PPA2: variants seen among roughly 807,000 people sequenced by gnomAD.
PPA2 encodes the protein inorganic pyrophosphatase 2, mitochondrial.
Under a neutral mutation model 49.5 loss-of-function variants are expected in PPA2, and 48 were observed. That is an observed-to-expected ratio of 0.97 (90% confidence interval 0.77 to 1.23). The LOEUF is 1.23. Ranked by LOEUF, PPA2 falls within the 50% of genes most tolerant of loss-of-function variation. The pLI is 0.00. For missense variants in PPA2, 429 were observed against 410.1 expected (o/e 1.05, Z -0.40); for synonymous variants, 131 against 139.9 (o/e 0.94, Z 0.45).
At chr4:105,456,263 T>C (rs1013826073) in intron 2 of PPA2, 7 of 469,346 alleles carry the variant, frequency 1.5e-5, no homozygotes, top group Non-Finnish European at 3.0e-5. Flanking sequence ...CTTAGACAAG[T>C]CTATAAAAAT....
At position 105,453,614 on chromosome 4, in the gene PPA2, C is replaced by T. The variant is rs146135315; in HGVS notation, c.251G>A (p.Arg84Gln). ...EENGIPMKKARNDEYENLFNM... is the reference protein window; with the variant it reads ...EENGIPMKKAQNDEYENLFNM... The stretch of plus-strand genomic sequence containing the variant: ...TGGATATACCTCATATTCATCATTT[C>T]GTGCTTTCTTCATAGGAATGCCATT... The change falls in exon 3 of 12, where the codon CGA (arginine) becomes CAA (glutamine). Residue 84 changes from arginine to glutamine, a missense_variant. Transcript: ENST00000341695. 1.7e-4 allele frequency: 271 copies of T among 1,605,410 alleles called. 1 individual carries two copies. In the African/African-American group the frequency reaches 2.7e-3, roughly 16 times the overall value.
intron 5 of PPA2, among the ~76,000 whole-genome samples, chr4:105,445,829 T>C (rs1034375208): frequency 4.6e-5 from 7 of 152,002 alleles, no homozygotes. Context: ...GAAAAGCAAA[T>C]AGTTGTTATT....
chr4:105,378,789 A>G (rs537842372), intron 10 of PPA2, among the ~76,000 whole-genome samples: 2 of 152,260 alleles, frequency 1.3e-5, no homozygotes, highest in South Asian at 4.1e-4. Context: ...TTTAAGCACT[A>G]TTTGTTGAAA....
At chr4:105,424,781 A>G (rs746416747) in intron 6 of PPA2, among the ~76,000 whole-genome samples, 2 of 152,186 alleles carry the variant, frequency 1.3e-5, no homozygotes, top group African/African-American at 2.4e-5. Flanking sequence ...AAAATGGAGG[A>G]TGAGGCAGCT....
intron 11 of PPA2, 147 bp downstream of exon 11, chr4:105,370,690 T>G: frequency 8.7e-7 from 1 of 1,150,768 alleles, no homozygotes; most frequent in Middle Eastern, 3.4e-4. Flanking sequence ...TCATCTGAAA[T>G]TTTAGCGACT....
intron 5 of PPA2, among the ~76,000 whole-genome samples, chr4:105,438,848 A>T (rs1008377639): frequency 1.3e-5 from 2 of 152,212 alleles, no homozygotes; most frequent in Admixed American, 1.3e-4. Flanking sequence ...GAATCAGATT[A>T]TCATTATTAT....
intron 2 of PPA2, among the ~76,000 whole-genome samples, chr4:105,455,843 C>T (rs754515991): frequency 6.6e-6 from 1 of 152,158 alleles, no homozygotes; most frequent in African/African-American, 2.4e-5. Context: ...CCTAGAAAAC[C>T]CAACCCCAAA....
At chr4:105,422,464 A>C (rs904593901) in intron 7 of PPA2, among the ~76,000 whole-genome samples, 7 of 151,758 alleles carry the variant, frequency 4.6e-5, no homozygotes, top group African/African-American at 1.2e-4. Flanking sequence ...AAATGAATAG[A>C]GTTAAAACTT....
intron 7 of PPA2, among the ~76,000 whole-genome samples, chr4:105,401,336 A>G (rs1722180763): frequency 6.6e-6 from 1 of 152,124 alleles, no homozygotes; most frequent in South Asian, 2.1e-4. Flanking sequence ...TAATTCCATG[A>G]CTTCTGCTTT....
chr4:105,435,653 T>C (rs189744320), intron 6 of PPA2, among the ~76,000 whole-genome samples: 193 of 152,276 alleles, frequency 1.3e-3, no homozygotes, highest in African/African-American at 4.5e-3. Context: ...TGGTTGAACA[T>C]ATGCAAATCA....
intron 5 of PPA2, among the ~76,000 whole-genome samples, chr4:105,439,210 C>A (rs1023920469): frequency 1.4e-4 from 21 of 152,116 alleles, no homozygotes; most frequent in Admixed American, 2.0e-4. Context: ...ATAACGAATT[C>A]CATTTTATAG....
At chr4:105,473,336 G>A (rs1578899249) in intron 1 of PPA2, 1 of 282,676 alleles carries the variant, frequency 3.5e-6, no homozygotes, top group Non-Finnish European at 7.0e-6. Context: ...AAACTTGTGC[G>A]TACCAAGTCA....
rs1429973700 is a variant in PPA2, at chr4:105,369,726, CA to C, written c.1003del (p.Ter335AspfsTer2). The C allele has an allele frequency of 3.1e-6, 5 of 1,589,828 alleles. No individual in the cohort carries two copies. Among genetic ancestry groups the C allele is most frequent in the Admixed American group, 1.7e-5 (1 of 59,958 alleles). On this transcript the variant is annotated frameshift_variant and stop_lost, in exon 12 of 12. Coordinates refer to ENST00000341695, the MANE Select transcript of PPA2 (RefSeq NM_176869.3). LOFTEE classifies it high-confidence loss of function. ...EEQVWHFLGK[*>X] ...ACAGCAGAATTTCAGATGTTTCAAT[CA>C]CTTGCCAAGGAAGTGCCACACTTGC...
chr4:105,413,406 C>T (rs7693292), intron 7 of PPA2, among the ~76,000 whole-genome samples: 56,777 of 151,850 alleles, frequency 0.37, 12,551 homozygotes, highest in East Asian at 0.67. Context: ...CAGCATGGCA[C>T]ATGTATACCT....
At chr4:105,407,452 T>TATA (rs1322770351) in intron 7 of PPA2, among the ~76,000 whole-genome samples, 3 of 152,190 alleles carry the variant, frequency 2.0e-5, no homozygotes, top group Non-Finnish European at 4.4e-5. Context: ...ATGTTAAACA[T>TATA]ATAATTACCA....
At chr4:105,418,691 T>C (rs1723117401) in intron 7 of PPA2, among the ~76,000 whole-genome samples, 1 of 152,226 alleles carries the variant, frequency 6.6e-6, no homozygotes, top group Non-Finnish European at 1.5e-5. Context: ...AGGTAAACAG[T>C]TATTGCAGCA....
intron 7 of PPA2, among the ~76,000 whole-genome samples, chr4:105,410,017 T>C (rs1248216436): frequency 6.6e-6 from 1 of 152,198 alleles, no homozygotes; most frequent in African/African-American, 2.4e-5. Context: ...TTCCAAAGAA[T>C]TGCAGCTCCT....
intron 9 of PPA2, among the ~76,000 whole-genome samples, chr4:105,391,725 ATTGT>A (rs1297311696): frequency 3.3e-5 from 5 of 152,324 alleles, no homozygotes; most frequent in African/African-American, 1.2e-4. Context: ...GTTTGGACAC[ATTGT>A]TTAAGAATAG....
chr4:105,454,160 G>A (rs1722780598), intron 2 of PPA2, among the ~76,000 whole-genome samples: 1 of 152,112 alleles, frequency 6.6e-6, no homozygotes, highest in Non-Finnish European at 1.5e-5. Flanking sequence ...GGTGGGTTGG[G>A]AAGAAAAATT....
Sources: allele counts gnomAD v4.1 joint callset (sites outside exome capture counted in the v4.1 genomes callset), GRCh38; gene constraint gnomAD v4.1.1; transcripts MANE v1.5; gene names NCBI Gene and HGNC (gene_info 2026-07-23, HGNC 2026-07-21).